The following LGMN variants were observed in gnomAD, a reference collection of about 807,000 sequenced individuals.
LGMN encodes the protein legumain.
LGMN carries 36 observed loss-of-function variants against 56.8 expected under a neutral mutation model. That is an observed-to-expected ratio of 0.63 (90% CI 0.49 to 0.84). The LOEUF is 0.84. Ranked by LOEUF, LGMN falls within the 40% of genes least tolerant of loss-of-function variation. The pLI, the probability that LGMN is intolerant of heterozygous loss-of-function variation, is 0.00. For synonymous variants in LGMN, 199 were observed against 210.1 expected (o/e 0.95, Z 0.46); for missense variants, 446 against 556.1 (o/e 0.80, Z 1.99).
At chr14:92,742,292 C>CTTTTTTTTTT (rs756259014) in intron 1 of LGMN, among the ~76,000 whole-genome samples, 1 of 84,014 alleles carries the variant, frequency 1.2e-5, no homozygotes, top group Non-Finnish European at 2.1e-5. Flanking sequence ...TTTTGTTTTG[C>CTTTTTTTTTT]TTTTTTTTTT....
At chr14:92,731,584 C>T (rs937932506) in intron 2 of LGMN, among the ~76,000 whole-genome samples, 1 of 152,218 alleles carries the variant, frequency 6.6e-6, no homozygotes, top group Non-Finnish European at 1.5e-5. Context: ...AGCTCCTTAG[C>T]ATGTTTGTAA....
intron 1 of LGMN, among the ~76,000 whole-genome samples, chr14:92,739,699 C>G (rs971595803): frequency 6.6e-6 from 1 of 152,162 alleles, no homozygotes; most frequent in South Asian, 2.1e-4. Context: ...GGGGAAGAAA[C>G]TATGGAGGTG....
At chr14:92,728,654 T>C (rs547483477) in intron 2 of LGMN, among the ~76,000 whole-genome samples, 3 of 152,192 alleles carry the variant, frequency 2.0e-5, no homozygotes, top group African/African-American at 7.2e-5. Flanking sequence ...GTTAAATTTT[T>C]AATACAAAAA....
rs1019544555 is a variant in LGMN, at chr14:92,714,913, C to A, written c.405-462G>T. Among the ~76,000 whole-genome samples the A allele has an allele frequency of 6.6e-6, 1 of 152,070 alleles. No individual in the cohort carries two copies. Among genetic ancestry groups the A allele is most frequent in the East Asian group, 1.9e-4 (1 of 5,192 alleles). On this transcript the variant is annotated intron_variant, in intron 5 of 13. Transcript: ENST00000334869. The surrounding 1 kb of genome is among the most constrained non-coding windows in gnomAD (Gnocchi z 5.1). ...CCTCACCAGGGCTTCCACCAGATGGCGCTGCTTCAAAGTGGCAGAGATGTA... is the reference window on the plus strand; with the variant it reads ...CCTCACCAGGGCTTCCACCAGATGGAGCTGCTTCAAAGTGGCAGAGATGTA...
At chr14:92,721,491 G>C (rs1350774987) in intron 2 of LGMN, among the ~76,000 whole-genome samples, 1 of 152,194 alleles carries the variant, frequency 6.6e-6, no homozygotes, top group East Asian at 1.9e-4. Context: ...ATTGTTTCAA[G>C]CCATGAAGTC....
Position 92,711,762 on chromosome 14 carries a change from G to C in LGMN, c.730-14C>G. On this transcript the variant is annotated splice_polypyrimidine_tract_variant and intron_variant, in intron 9 of 13. Transcript: ENST00000334869. Reference sequence around the variant, plus strand: ...AGTCAGATCTTCCTGCAAAAAGTGAGACCATTAGAGACCTTTGACAATCAG... The same window carrying C: ...AGTCAGATCTTCCTGCAAAAAGTGACACCATTAGAGACCTTTGACAATCAG... 1 of 1,613,070 alleles carries C rather than the reference G, an allele frequency of 6.2e-7. No individual in the cohort carries two copies. Among genetic ancestry groups the C allele is most frequent in the Non-Finnish European group, 8.5e-7 (1 of 1,179,030 alleles).
chr14:92,719,164 A>ACCG (rs1303157811), intron 2 of LGMN, among the ~76,000 whole-genome samples: 1 of 78,186 alleles, frequency 1.3e-5, no homozygotes, highest in Non-Finnish European at 2.4e-5. Flanking sequence ...CACTGCCACC[A>ACCG]CCACCACCAC....
At position 92,716,221 on chromosome 14, in the gene LGMN, C is replaced by A. The variant is rs1185733918; in HGVS notation, c.319G>T (p.Asp107Tyr). 1 of 1,611,236 alleles carries A rather than the reference C, an allele frequency of 6.2e-7. No individual in the cohort carries two copies. Among genetic ancestry groups the A allele is most frequent in the South Asian group, 1.1e-5 (1 of 91,022 alleles). ...QGVPKDYTGEDVTPQNFLAVL... is the reference protein window; with the variant it reads ...QGVPKDYTGEYVTPQNFLAVL... ...GCAAGGAAATTTTGTGGGGTAACAT[C>A]CTACAAAGAATTAGGAGCCACAATC... Residue 107 changes from aspartate to tyrosine, a missense_variant and splice_region_variant, in exon 5 of 14, where the codon GAT (aspartate) becomes TAT (tyrosine). Physicochemically the swap from Asp to Tyr is radical, Grantham distance 160. Coordinates refer to ENST00000334869, the MANE Select transcript of LGMN (RefSeq NM_005606.7).
chr14:92,734,661 C>A (rs1017601611), intron 1 of LGMN, among the ~76,000 whole-genome samples: 11 of 150,764 alleles, frequency 7.3e-5, no homozygotes, highest in East Asian at 3.9e-4. Flanking sequence ...AAAAAAAAAA[C>A]TTTATTATTA....
chr14:92,707,874 A>G (rs1889524055), intron 11 of LGMN, among the ~76,000 whole-genome samples: 1 of 152,188 alleles, frequency 6.6e-6, no homozygotes, highest in Non-Finnish European at 1.5e-5. Context: ...ACTCTGAGCC[A>G]GGTGCGGTGC....
Position 92,709,666 on chromosome 14 carries a change from A to T in LGMN, c.1020+6T>A. On this transcript the variant is annotated splice_donor_region_variant and intron_variant, in intron 11 of 13. Coordinates refer to ENST00000334869, the MANE Select transcript of LGMN (RefSeq NM_005606.7). ...CCTGGGCACAGCTCCTTTCACCACTACTCACATCCAGATGCCGCTGGATCT... is the reference window on the plus strand; with the variant it reads ...CCTGGGCACAGCTCCTTTCACCACTTCTCACATCCAGATGCCGCTGGATCT... The T allele has an allele frequency of 6.2e-7, 1 of 1,611,494 alleles. No homozygotes were observed. The highest frequency in any genetic ancestry group is 1.1e-5 in the South Asian group (1 of 90,964).
At chr14:92,738,055 C>T (rs1891382840) in intron 1 of LGMN, among the ~76,000 whole-genome samples, 1 of 152,160 alleles carries the variant, frequency 6.6e-6, no homozygotes, top group South Asian at 2.1e-4. Context: ...TTTACCCCCT[C>T]ATATTTAGGA....
intron 5 of LGMN, among the ~76,000 whole-genome samples, chr14:92,715,159 T>C: frequency 6.6e-6 from 1 of 151,910 alleles, no homozygotes; most frequent in East Asian, 1.9e-4. Context: ...CCACCACGCC[T>C]GGTTAATTTT....
chr14:92,747,382 CG>C (rs1891867384), intron 1 of LGMN, among the ~76,000 whole-genome samples: 3 of 152,054 alleles, frequency 2.0e-5, no homozygotes, highest in South Asian at 4.1e-4. Context: ...TCCCAGAACT[CG>C]GGAGGCTGAG....
intron 5 of LGMN, chr14:92,715,747 G>A (rs564738819): frequency 2.1e-4 from 33 of 158,922 alleles, no homozygotes; most frequent in Non-Finnish European, 2.5e-4. Context: ...CTCCCCGCTG[G>A]GCTGATCTGT....
chr14:92,732,182 G>T (rs1891081420), intron 2 of LGMN, among the ~76,000 whole-genome samples: 1 of 152,146 alleles, frequency 6.6e-6, no homozygotes, highest in Admixed American at 6.5e-5. Flanking sequence ...AACTAAGTGG[G>T]TCTCAGCCTG....
At position 92,714,524 on chromosome 14, in the gene LGMN, T is replaced by C. The variant is rs1889964974; in HGVS notation, c.405-73A>G. ...CTTCTATTTCTCTGAAAAGCTGCCC[T>C]AATCAAAAAATTAAGAAGTTTGGGG... is the stretch of plus-strand genomic sequence containing the variant. On this transcript the variant is annotated intron_variant, in intron 5 of 13. Coordinates refer to ENST00000334869, the MANE Select transcript of LGMN (RefSeq NM_005606.7). This position sits in a 1 kb window ranked among gnomAD's most constrained non-coding sequence, Gnocchi z 5.1. 2 of 1,157,562 alleles carry C rather than the reference T, an allele frequency of 1.7e-6. No individual in the cohort carries two copies. Among genetic ancestry groups the C allele is most frequent in the South Asian group, 2.7e-5 (2 of 73,996 alleles). The allele number at this position is 1,157,562 out of a possible 1,614,324, so 71.7% of individuals were successfully genotyped here. A position where few individuals can be genotyped will look rare whatever the true frequency, so the allele number is the denominator to read the frequency against.
chr14:92,735,294 C>T (rs1246488443), intron 1 of LGMN, among the ~76,000 whole-genome samples: 1 of 152,102 alleles, frequency 6.6e-6, no homozygotes, highest in African/African-American at 2.4e-5. Flanking sequence ...GCAACCTCCG[C>T]CTCCCAGGTT....
chr14:92,708,931 G>A (rs995926160), intron 11 of LGMN, among the ~76,000 whole-genome samples: 11 of 148,550 alleles, frequency 7.4e-5, no homozygotes, highest in Admixed American at 3.4e-4. Context: ...TCACTGTGCT[G>A]TGCTGACAAT....
Sources: gnomAD v4.1 joint callset for allele counts (sites outside exome capture counted in the v4.1 genomes callset) on GRCh38, gnomAD v4.1.1 for gene constraint, Gnocchi (gnomAD v3.1) non-coding constraint, MANE v1.5 for transcripts, NCBI Gene and HGNC (gene_info 2026-07-23, HGNC 2026-07-21) for gene names.